Variants in MAOA observed in about 807,000 individuals in gnomAD.
MAOA encodes amine oxidase [flavin-containing] A.
In MAOA, 6 loss-of-function variants were observed where a neutral mutation model predicts 42.0. The ratio of observed to expected loss-of-function variants is 0.14; its 90% CI spans 0.08 to 0.28. The LOEUF is 0.28. Among genes scored for constraint, MAOA ranks in the 10% least tolerant of loss-of-function variants. MAOA has a pLI of 1.00. For synonymous variants in MAOA, 140 were observed against 154.0 expected (o/e 0.91, Z 0.67); for missense variants, 262 against 422.3 (o/e 0.62, Z 3.33).
chrX:43,658,753 G>A (rs1277006776), intron 1 of MAOA, among the ~76,000 whole-genome samples: 1 of 111,690 alleles, frequency 9.0e-6, no homozygotes, highest in Non-Finnish European at 1.9e-5. Context: ...CAGAAACATT[G>A]CTTTCTATCT....
intron 3 of MAOA, among the ~76,000 whole-genome samples, chrX:43,698,811 G>T (rs1396412917): frequency 8.9e-6 from 1 of 111,971 alleles, no homozygotes; most frequent in Non-Finnish European, 1.9e-5. Context: ...TATGAATTTT[G>T]TGAATTTGAC....
chrX:43,669,345 G>A (rs2033309918), intron 1 of MAOA, among the ~76,000 whole-genome samples: 1 of 110,482 alleles, frequency 9.1e-6, no homozygotes, highest in Non-Finnish European at 1.9e-5. Flanking sequence ...TTAAACCCAG[G>A]GGGCAGAGAT....
intron 2 of MAOA, among the ~76,000 whole-genome samples, chrX:43,692,784 A>G (rs1256370308): frequency 3.6e-5 from 4 of 111,984 alleles, no homozygotes; most frequent in Non-Finnish European, 7.5e-5. Flanking sequence ...ATATTTGTAA[A>G]TAATTTAGTG....
At chrX:43,707,528 A>T (rs981999192) in intron 3 of MAOA, among the ~76,000 whole-genome samples, 1 of 112,042 alleles carries the variant, frequency 8.9e-6, no homozygotes, top group Non-Finnish European at 1.9e-5. Flanking sequence ...GAGTGAAGCT[A>T]TGTATGTTTG....
At position 43,744,089 on chromosome X, in the gene MAOA, C is replaced by A; in HGVS notation, c.1375-20C>A. 8.3e-7 allele frequency: 1 copy of A among 1,205,315 alleles called. No homozygotes were observed. The highest frequency in any genetic ancestry group is 1.1e-6 in the Non-Finnish European group (1 of 890,197). On this transcript the variant is annotated intron_variant, in intron 13 of 14. Transcript: ENST00000338702. Reference sequence around the variant, plus strand: ...AACTATACAGCCTCTTTTCATAATACCATGGTGACTTTCTTTCAGGTCTTA... The same window carrying A: ...AACTATACAGCCTCTTTTCATAATAACATGGTGACTTTCTTTCAGGTCTTA...
At chrX:43,675,813 G>T (rs1477735028) in intron 1 of MAOA, among the ~76,000 whole-genome samples, 2 of 111,798 alleles carry the variant, frequency 1.8e-5, no homozygotes, top group African/African-American at 6.5e-5. Flanking sequence ...TTTTGTCTCA[G>T]AGGAGTACCC....
intron 1 of MAOA, among the ~76,000 whole-genome samples, chrX:43,665,578 C>T (rs2033269116): frequency 1.8e-5 from 2 of 111,553 alleles, no homozygotes; most frequent in South Asian, 7.4e-4. Flanking sequence ...ATCCTTTTAT[C>T]TAAAGTGAAG....
At chrX:43,704,542 G>A (rs1419353222) in intron 3 of MAOA, among the ~76,000 whole-genome samples, 1 of 111,229 alleles carries the variant, frequency 9.0e-6, no homozygotes, top group Non-Finnish European at 1.9e-5. Context: ...ATACTCAATG[G>A]TAAAAGATTG....
intron 1 of MAOA, among the ~76,000 whole-genome samples, chrX:43,676,684 A>G (rs1297119557): frequency 9.0e-6 from 1 of 111,673 alleles, no homozygotes; most frequent in African/African-American, 3.3e-5. Flanking sequence ...GCCAGGTACT[A>G]TGCTAGGCTC....
At chrX:43,704,483 C>T (rs1396667690) in intron 3 of MAOA, among the ~76,000 whole-genome samples, 1 of 110,944 alleles carries the variant, frequency 9.0e-6, no homozygotes, top group African/African-American at 3.3e-5. Flanking sequence ...TAGAGGAGAA[C>T]TTCCTCAACC....
At chrX:43,689,275 A>C (rs2033514068) in intron 2 of MAOA, among the ~76,000 whole-genome samples, 1 of 111,436 alleles carries the variant, frequency 9.0e-6, no homozygotes, top group Admixed American at 9.5e-5. Flanking sequence ...GTTAATTGAC[A>C]AACTTGGTCC....
intron 1 of MAOA, among the ~76,000 whole-genome samples, chrX:43,681,555 A>G (rs1433314658): frequency 9.0e-6 from 1 of 111,335 alleles, no homozygotes; most frequent in Non-Finnish European, 1.9e-5. Flanking sequence ...TCTTTAGGAT[A>G]TATACCATTA....
chrX:43,740,578 C>A, intron 10 of MAOA, 103 bp from the exon 11 acceptor site: 1 of 652,756 alleles, frequency 1.5e-6, no homozygotes, highest in Admixed American at 3.8e-5. Context: ...TGTAATAAAT[C>A]TGGTTGATAC....
intron 5 of MAOA, among the ~76,000 whole-genome samples, chrX:43,720,691 G>T (rs770589748): frequency 2.1e-4 from 23 of 107,668 alleles, no homozygotes; most frequent in Non-Finnish European, 3.5e-4. Flanking sequence ...AGGTGCACGG[G>T]GGAGATAGGG....
chrX:43,690,001 T>A (rs1242911740), intron 2 of MAOA, among the ~76,000 whole-genome samples: 1 of 110,984 alleles, frequency 9.0e-6, no homozygotes, highest in African/African-American at 3.3e-5. Context: ...ATGTATGATT[T>A]GCCTCTTTTG....
rs189059684 is a variant in MAOA at position 43,737,779 on chromosome X, G to A, written c.1106+1499G>A. ...GAGGGACACATACATTCAAATCATC[G>A]CAGCTAGCTTGTGACAAAAAGTCTG... is the stretch of plus-strand genomic sequence containing the variant. On this transcript the variant is annotated intron_variant, in intron 10 of 14. Transcript: ENST00000338702. 1.7e-3 allele frequency among the ~76,000 whole-genome samples: 190 copies of A among 111,775 alleles called. 1 individual carries two copies. Among genetic ancestry groups the A allele is most frequent in the African/African-American group, 6.1e-3 (187 of 30,743 alleles).
intron 10 of MAOA, 70 bp from the exon 11 acceptor site, chrX:43,740,611 A>G (rs1414643600): frequency 4.3e-6 from 4 of 933,003 alleles, no homozygotes; most frequent in Admixed American, 5.8e-5. Flanking sequence ...AACTCACTGT[A>G]TTTATTCTAT....
intron 10 of MAOA, among the ~76,000 whole-genome samples, chrX:43,739,831 A>G (rs930944815): frequency 1.8e-5 from 2 of 112,698 alleles, no homozygotes; most frequent in South Asian, 3.6e-4. Flanking sequence ...ATCAGTGTGA[A>G]CCTATGCAAA....
At chrX:43,705,689 A>G (rs1905535444) in intron 3 of MAOA, among the ~76,000 whole-genome samples, 1 of 112,060 alleles carries the variant, frequency 8.9e-6, no homozygotes, top group Non-Finnish European at 1.9e-5. Context: ...AATGGGAGAA[A>G]ATATTTGCAA....
Sources: allele counts gnomAD v4.1 joint callset (sites outside exome capture counted in the v4.1 genomes callset), GRCh38; gene constraint gnomAD v4.1.1; transcripts MANE v1.5; gene names NCBI Gene and HGNC (gene_info 2026-07-23, HGNC 2026-07-21).